The following SAMD5 variants were observed in gnomAD, a reference collection of about 807,000 sequenced individuals.
SAMD5 encodes sterile alpha motif domain-containing protein 5.
In SAMD5, 13 loss-of-function variants were observed where a neutral mutation model predicts 11.3. The ratio of observed to expected loss-of-function variants is 1.15; its 90% confidence interval spans 0.75 to 1.83. The LOEUF is 1.83. SAMD5 is among the 40% of genes most tolerant of loss of function. The pLI is 0.00. For missense variants in SAMD5, 255 were observed against 239.1 expected (o/e 1.07, Z -0.44); for synonymous variants, 129 against 111.3 (o/e 1.16, Z -1.00).
the SAMD5 span, among the ~76,000 whole-genome samples, chr6:147,884,874 G>T: frequency 6.6e-6 from 1 of 152,036 alleles, no homozygotes; most frequent in Non-Finnish European, 1.5e-5. Flanking sequence ...GCATTATTAG[G>T]GAGTTGTCAT....
intron 1 of SAMD5, among the ~76,000 whole-genome samples, chr6:147,588,767 T>C (rs552558141): frequency 3.0e-4 from 46 of 152,280 alleles, no homozygotes; most frequent in Middle Eastern, 6.8e-3. Flanking sequence ...TTACTTATTA[T>C]AAGGATCACT....
At chr6:147,897,040 A>C in the SAMD5 span, among the ~76,000 whole-genome samples, 1 of 152,302 alleles carries the variant, frequency 6.6e-6, no homozygotes, top group South Asian at 2.1e-4. Flanking sequence ...GCTAATGGGA[A>C]TGAGGTTTCT....
the SAMD5 span, among the ~76,000 whole-genome samples, chr6:147,921,971 A>G: frequency 6.6e-6 from 1 of 152,208 alleles, no homozygotes; most frequent in African/African-American, 2.4e-5. Flanking sequence ...AATTATCCTG[A>G]AATGATACTG....
chr6:147,546,327 C>T (rs1000415530), intron 1 of SAMD5, among the ~76,000 whole-genome samples: 15 of 152,050 alleles, frequency 9.9e-5, no homozygotes, highest in Admixed American at 2.6e-4. Flanking sequence ...GTTGGGAGTT[C>T]GGGACCAGCC....
At chr6:147,889,355 A>G in the SAMD5 span, among the ~76,000 whole-genome samples, 1 of 152,162 alleles carries the variant, frequency 6.6e-6, no homozygotes, top group South Asian at 2.1e-4. Flanking sequence ...CCATGCCTCT[A>G]TTTAATGTAT....
At chr6:147,553,803 A>G (rs11155503) in intron 1 of SAMD5, among the ~76,000 whole-genome samples, 54,546 of 151,810 alleles carry the variant, frequency 0.36, 9,931 homozygotes, top group Non-Finnish European at 0.39. Context: ...GCAGTTAGCC[A>G]TGGTCTAACT....
chr6:147,834,222 C>T, the SAMD5 span, among the ~76,000 whole-genome samples: 3 of 152,118 alleles, frequency 2.0e-5, no homozygotes, highest in Non-Finnish European at 4.4e-5. Context: ...GGGGTTTCAT[C>T]TCATATGAGT....
chr6:147,564,674 A>G lies in SAMD5; in HGVS notation c.*218A>G. 1 of 1,284,026 alleles carries G rather than the reference A, an allele frequency of 7.8e-7. No individual in the cohort carries two copies. Among genetic ancestry groups the G allele is most frequent in the East Asian group, 3.5e-5 (1 of 28,442 alleles). 79.5% of individuals were successfully genotyped at this position (1,284,026 alleles called of 1,614,324 possible). ...TAAGGCAGTGAACTATCACGCATAA[A>G]GAAGTATTGAGTTCATTTTTTTAAG... On this transcript the variant is annotated 3_prime_UTR_variant, in exon 2 of 2. Transcript: ENST00000367474.
chr6:147,873,951 T>C, the SAMD5 span, among the ~76,000 whole-genome samples: 57,966 of 151,986 alleles, frequency 0.38, 11,461 homozygotes, highest in Middle Eastern at 0.5. Context: ...ATAGGAAAAA[T>C]AGAATGAGTC....
chr6:147,856,822 G>A, the SAMD5 span, among the ~76,000 whole-genome samples: 1 of 48,252 alleles, frequency 2.1e-5, no homozygotes, highest in Non-Finnish European at 3.6e-5. Context: ...CTGGGGGCGC[G>A]GGGGGGGGGG....
chr6:147,872,348 TC>T, the SAMD5 span, among the ~76,000 whole-genome samples: 1 of 152,146 alleles, frequency 6.6e-6, no homozygotes, highest in African/African-American at 2.4e-5. Flanking sequence ...CCCTCTCACC[TC>T]AGCCTCCCAA....
intron 1 of SAMD5, among the ~76,000 whole-genome samples, chr6:147,518,397 T>C (rs2128439731): frequency 6.6e-6 from 1 of 152,334 alleles, no homozygotes; most frequent in Admixed American, 6.5e-5. Flanking sequence ...TCTTCAGTAG[T>C]TATCTTAGGC....
the SAMD5 span, among the ~76,000 whole-genome samples, chr6:147,750,522 T>G: frequency 3.3e-5 from 5 of 152,238 alleles, no homozygotes; most frequent in African/African-American, 1.2e-4. Flanking sequence ...GATCCGTTGC[T>G]TCTCTCTCTT....
chr6:147,633,535 T>C (rs1249775711), intron 1 of SAMD5, among the ~76,000 whole-genome samples: 4 of 152,084 alleles, frequency 2.6e-5, no homozygotes, highest in East Asian at 3.9e-4. Flanking sequence ...TATACCACCA[T>C]AGGCTGACAA....
At chr6:147,663,094 T>C (rs758983938) in intron 1 of SAMD5, among the ~76,000 whole-genome samples, 6 of 152,246 alleles carry the variant, frequency 3.9e-5, no homozygotes, top group Non-Finnish European at 5.9e-5. Context: ...CTTTCAATTC[T>C]AGTGTGAATT....
At chr6:147,702,618 CAG>C (rs1488265612) in intron 1 of SAMD5, among the ~76,000 whole-genome samples, 1 of 152,144 alleles carries the variant, frequency 6.6e-6, no homozygotes, top group East Asian at 1.9e-4. Context: ...GTACAAGTGA[CAG>C]GGAAAAATTC....
At chr6:147,837,804 T>C in the SAMD5 span, among the ~76,000 whole-genome samples, 2 of 152,326 alleles carry the variant, frequency 1.3e-5, no homozygotes, top group Middle Eastern at 6.8e-3. Flanking sequence ...TTCAAAGCAT[T>C]TTAAAGCATC....
At chr6:147,657,466 A>G (rs557763979) in intron 1 of SAMD5, among the ~76,000 whole-genome samples, 1 of 152,244 alleles carries the variant, frequency 6.6e-6, no homozygotes, top group East Asian at 1.9e-4. Context: ...AGAGAGCGAG[A>G]GAGAGAGTGA....
At chr6:147,702,146 G>A (rs1465801566) in intron 1 of SAMD5, among the ~76,000 whole-genome samples, 5 of 152,314 alleles carry the variant, frequency 3.3e-5, no homozygotes, top group Admixed American at 2.0e-4. Context: ...ATGGTGGCAG[G>A]CAAGAGAGAA....
Sources: gnomAD v4.1 joint callset for allele counts (sites outside exome capture counted in the v4.1 genomes callset) on GRCh38, gnomAD v4.1.1 for gene constraint, MANE v1.5 for transcripts, NCBI Gene and HGNC (gene_info 2026-07-23, HGNC 2026-07-21) for gene names.